GALNT13: variants seen among roughly 807,000 people sequenced by gnomAD.
GALNT13 encodes polypeptide N-acetylgalactosaminyltransferase 13, also known as UDP-GalNAc:polypeptide N-acetylgalactosaminyltransferase 13.
A neutral mutation model predicts 64.2 loss-of-function variants in GALNT13; 28 were observed. The ratio of observed to expected loss-of-function variants is 0.44; its 90% CI spans 0.32 to 0.60. GALNT13 has a LOEUF of 0.60. Ranked by LOEUF, GALNT13 falls within the 20% of genes least tolerant of loss-of-function variation. GALNT13 has a pLI of 0.05. For synonymous variants in GALNT13, 214 were observed against 224.6 expected, an observed-to-expected ratio of 0.95 and a Z score of 0.42; for missense variants, 577 against 669.8, an observed-to-expected ratio of 0.86 and a Z score of 1.53.
intron 5 of GALNT13, 43 bp from the exon 6 acceptor site, chr2:154,242,655 C>T: frequency 1.5e-6 from 2 of 1,352,086 alleles, no homozygotes; most frequent in Non-Finnish European, 2.1e-6. Flanking sequence ...TTTCTTAAAA[C>T]AGTTTCAAAA....
chr2:153,222,330 GGT>G, the GALNT13 span, among the ~76,000 whole-genome samples: 551 of 85,282 alleles, frequency 6.5e-3, no homozygotes, highest in African/African-American at 0.011. Context: ...GGGGGGGTGG[GGT>G]GGGGGGGGGG....
intron 3 of GALNT13, among the ~76,000 whole-genome samples, chr2:153,951,126 G>A (rs1454402310): frequency 6.6e-6 from 1 of 152,140 alleles, no homozygotes; most frequent in African/African-American, 2.4e-5. Context: ...AAATTGGGGT[G>A]TGAGATGGGG....
intron 3 of GALNT13, among the ~76,000 whole-genome samples, chr2:154,048,760 G>C (rs747997685): frequency 1.3e-5 from 2 of 152,094 alleles, no homozygotes; most frequent in Non-Finnish European, 2.9e-5. Flanking sequence ...AAATGGAATT[G>C]TAATTACTTA....
the GALNT13 span, among the ~76,000 whole-genome samples, chr2:153,402,227 C>G: frequency 5.9e-5 from 9 of 151,320 alleles, no homozygotes; most frequent in South Asian, 1.5e-3. Context: ...GTTGAAAATT[C>G]TTTTCTTTAA....
intron 8 of GALNT13, among the ~76,000 whole-genome samples, chr2:154,290,931 G>C (rs997777401): frequency 6.6e-6 from 1 of 151,632 alleles, no homozygotes; most frequent in African/African-American, 2.4e-5. Flanking sequence ...AGAGCTGTTC[G>C]TCCCTCCCGG....
At chr2:153,672,948 G>C in the GALNT13 span, among the ~76,000 whole-genome samples, 6 of 152,086 alleles carry the variant, frequency 3.9e-5, no homozygotes, top group African/African-American at 1.4e-4. Context: ...AAATAAACTA[G>C]AAAATCTAGA....
intron 4 of GALNT13, among the ~76,000 whole-genome samples, chr2:154,233,615 A>T (rs1053123842): frequency 1.2e-4 from 19 of 152,182 alleles, no homozygotes; most frequent in African/African-American, 4.6e-4. Context: ...GATCCATATA[A>T]AACACACAGC....
the GALNT13 span, among the ~76,000 whole-genome samples, chr2:153,440,719 TC>T: frequency 6.6e-6 from 1 of 152,256 alleles, no homozygotes; most frequent in African/African-American, 2.4e-5. Context: ...ATGCTTTTTT[TC>T]ATATGTCTGT....
At chr2:154,003,542 C>T (rs1476646349) in intron 3 of GALNT13, among the ~76,000 whole-genome samples, 2 of 152,044 alleles carry the variant, frequency 1.3e-5, no homozygotes, top group African/African-American at 2.4e-5. Context: ...GATCTTCTAT[C>T]CTGCTCTCTT....
At chr2:153,110,774 T>C in the GALNT13 span, among the ~76,000 whole-genome samples, 1 of 152,162 alleles carries the variant, frequency 6.6e-6, no homozygotes, top group Non-Finnish European at 1.5e-5. Context: ...ATTGCTGTAA[T>C]ATATTGCTTT....
At chr2:154,044,162 T>C (rs2105333208) in intron 3 of GALNT13, among the ~76,000 whole-genome samples, 1 of 152,182 alleles carries the variant, frequency 6.6e-6, no homozygotes, top group East Asian at 1.9e-4. Flanking sequence ...GAATTGCATT[T>C]TGAGAAAAGA....
At chr2:153,539,897 A>G in the GALNT13 span, among the ~76,000 whole-genome samples, 43 of 152,336 alleles carry the variant, frequency 2.8e-4, no homozygotes, top group African/African-American at 9.6e-4. Flanking sequence ...CAAAGCATTT[A>G]AGAGGTGACC....
intron 2 of GALNT13, among the ~76,000 whole-genome samples, chr2:153,907,171 G>A (rs1021349328): frequency 1.3e-5 from 2 of 151,458 alleles, no homozygotes; most frequent in Non-Finnish European, 1.5e-5. Flanking sequence ...AGTAGGTTGC[G>A]AAAATTTTCT....
At chr2:153,255,370 C>T in the GALNT13 span, among the ~76,000 whole-genome samples, 693 of 136,740 alleles carry the variant, frequency 5.1e-3, 11 homozygotes, top group African/African-American at 0.018. Flanking sequence ...TGTCTCTGCA[C>T]GTGAGATGGT....
chr2:154,229,388 G>C (rs2105842145), intron 4 of GALNT13, among the ~76,000 whole-genome samples: 1 of 151,776 alleles, frequency 6.6e-6, no homozygotes, highest in East Asian at 1.9e-4. Flanking sequence ...AATTCTATGG[G>C]TGAAAAGTCT....
chr2:153,707,264 A>G, the GALNT13 span, among the ~76,000 whole-genome samples: 1 of 152,210 alleles, frequency 6.6e-6, no homozygotes, highest in African/African-American at 2.4e-5. Flanking sequence ...TTGTAAGAAT[A>G]AATGTCTTGG....
the GALNT13 span, among the ~76,000 whole-genome samples, chr2:153,719,145 C>A: frequency 2.0e-5 from 3 of 152,092 alleles, no homozygotes; most frequent in African/African-American, 7.2e-5. Flanking sequence ...TTCATTACAA[C>A]AACCATCTGA....
chr2:154,202,942 A>G (rs1022045302), intron 4 of GALNT13, among the ~76,000 whole-genome samples: 9 of 152,122 alleles, frequency 5.9e-5, no homozygotes, highest in African/African-American at 1.4e-4. Flanking sequence ...AGGATTTTTA[A>G]TATGTAATTT....
At chr2:154,414,496 C>G (rs564031356) in intron 11 of GALNT13, among the ~76,000 whole-genome samples, 1 of 122,678 alleles carries the variant, frequency 8.2e-6, no homozygotes, top group Non-Finnish European at 1.7e-5. Flanking sequence ...GTGGCCAACC[C>G]TGTGTATTAT....
Sources: allele counts gnomAD v4.1 joint callset (sites outside exome capture counted in the v4.1 genomes callset), GRCh38; gene constraint gnomAD v4.1.1; transcripts MANE v1.5; gene names NCBI Gene and HGNC (gene_info 2026-07-23, HGNC 2026-07-21).